PDXDC1: variants seen among roughly 807,000 people sequenced by gnomAD.
PDXDC1 encodes pyridoxal-dependent decarboxylase domain-containing protein 1.
Under a neutral mutation model 100.1 loss-of-function variants are expected in PDXDC1, and 42 were observed. The ratio of observed to expected loss-of-function variants is 0.42; its 90% CI spans 0.33 to 0.54. PDXDC1 has a LOEUF of 0.54. Among genes scored for constraint, PDXDC1 ranks in the 20% least tolerant of loss-of-function variants. PDXDC1 has a pLI of 0.10. For synonymous variants in PDXDC1, 260 were observed against 371.7 expected (o/e 0.70, Z 3.46); for missense variants, 636 against 979.2 (o/e 0.65, Z 4.68).
intron 16 of PDXDC1, chr16:15,127,652 C>T (rs1176458578): frequency 7.9e-7 from 1 of 1,267,730 alleles, no homozygotes. Context: ...AAGGGCTGGG[C>T]AGGAAGAGGC....
chr16:15,089,368 G>A (rs2046028980), intron 16 of PDXDC1, among the ~76,000 whole-genome samples: 1 of 152,046 alleles, frequency 6.6e-6, no homozygotes, highest in Non-Finnish European at 1.5e-5. Context: ...AATATATTAG[G>A]ACACAGGTAG....
chr16:15,077,825 G>T (rs1179020451), intron 16 of PDXDC1, among the ~76,000 whole-genome samples: 2 of 152,186 alleles, frequency 1.3e-5, no homozygotes, highest in Non-Finnish European at 2.9e-5. Context: ...TGGGCAAGAA[G>T]CGAGACACCA....
intron 16 of PDXDC1, among the ~76,000 whole-genome samples, chr16:15,051,268 GCTC>G (rs1381731530): frequency 6.6e-6 from 1 of 152,232 alleles, no homozygotes; most frequent in East Asian, 1.9e-4. Flanking sequence ...CTTCAACACA[GCTC>G]CTACGATTTC....
chr16:15,147,692 T>C, the PDXDC1 span, among the ~76,000 whole-genome samples: 2 of 152,028 alleles, frequency 1.3e-5, no homozygotes, highest in African/African-American at 2.4e-5. Flanking sequence ...ATGCTCAGCA[T>C]TTTTTTGTTT....
chr16:15,142,434 C>T (rs2048489605), downstream of PDXDC1, among the ~76,000 whole-genome samples: 1 of 152,090 alleles, frequency 6.6e-6, no homozygotes, highest in Non-Finnish European at 1.5e-5. Context: ...GGGGACCCCG[C>T]TCGGCCGAGC....
intron 16 of PDXDC1, chr16:15,065,076 G>C (rs2044904167): frequency 1.3e-6 from 1 of 748,300 alleles, no homozygotes; most frequent in Non-Finnish European, 2.2e-6. Context: ...TGAGTCAGGA[G>C]AATGGTGTGA....
At chr16:15,148,376 T>A in the PDXDC1 span, among the ~76,000 whole-genome samples, 1 of 106,718 alleles carries the variant, frequency 9.4e-6, no homozygotes, top group African/African-American at 3.8e-5. Flanking sequence ...TGTGATTTTT[T>A]TTTTTTTTTT....
chr16:15,025,047 CTCT>C (rs1184167205), intron 13 of PDXDC1, among the ~76,000 whole-genome samples: 5 of 152,304 alleles, frequency 3.3e-5, no homozygotes, highest in Admixed American at 1.3e-4. Context: ...TTTCTGTTTC[CTCT>C]TCTTTGTGGA....
At chr16:15,095,861 GGTGT>G (rs113527217) in intron 16 of PDXDC1, among the ~76,000 whole-genome samples, 11,509 of 134,296 alleles carry the variant, frequency 0.086, 722 homozygotes, top group African/African-American at 0.17. Context: ...AAAAAAAAAA[GGTGT>G]GTGTGTGTGT....
chr16:15,047,193 C>T (rs539033430), intron 16 of PDXDC1: 99 of 519,004 alleles, frequency 1.9e-4, no homozygotes, highest in African/African-American at 1.1e-3. Flanking sequence ...GTTCCTGAGA[C>T]GACATCAAGT....
At chr16:15,056,308 A>G (rs1429601421) in intron 16 of PDXDC1, among the ~76,000 whole-genome samples, 1 of 152,336 alleles carries the variant, frequency 6.6e-6, no homozygotes, top group East Asian at 1.9e-4. Context: ...GAGAGCTGCC[A>G]GGGAGCAGCT....
At chr16:15,034,642 C>G (rs982145955) in intron 21 of PDXDC1, 89 bp downstream of exon 21, 3 of 939,160 alleles carry the variant, frequency 3.2e-6, no homozygotes, top group Non-Finnish European at 5.2e-6. Context: ...CACTGAGAAT[C>G]CCGCCCTGGT....
At chr16:15,013,587 C>T (rs1401036362) in intron 8 of PDXDC1, among the ~76,000 whole-genome samples, 1 of 152,258 alleles carries the variant, frequency 6.6e-6, no homozygotes, top group East Asian at 1.9e-4. Context: ...GTAAATCATA[C>T]TACAATAGGC....
At chr16:15,057,267 ATAACTC>A (rs933845167) in intron 16 of PDXDC1, among the ~76,000 whole-genome samples, 79 of 152,242 alleles carry the variant, frequency 5.2e-4, no homozygotes, top group African/African-American at 1.7e-3. Context: ...CTCACCCAAA[ATAACTC>A]TATTTCTAGC....
intron 16 of PDXDC1, among the ~76,000 whole-genome samples, chr16:15,124,322 T>G (rs1404822797): frequency 6.6e-6 from 1 of 152,170 alleles, no homozygotes; most frequent in Admixed American, 6.6e-5. Context: ...CCAAACTCTC[T>G]CAGGCCTCTG....
intron 16 of PDXDC1, among the ~76,000 whole-genome samples, chr16:15,074,511 C>T (rs1597921178): frequency 6.6e-6 from 1 of 152,190 alleles, no homozygotes; most frequent in East Asian, 1.9e-4. Flanking sequence ...AGTGAAAAGA[C>T]AGAAGACAAA....
downstream of PDXDC1, among the ~76,000 whole-genome samples, chr16:15,143,798 A>G (rs1392681751): frequency 6.6e-6 from 1 of 152,184 alleles, no homozygotes; most frequent in East Asian, 1.9e-4. Context: ...AGAGCCTCAC[A>G]CTCAGAGCTG....
At chr16:15,127,040 G>C (rs1158387843) in intron 16 of PDXDC1, 1 of 346,252 alleles carries the variant, frequency 2.9e-6, no homozygotes, top group Non-Finnish European at 5.7e-6. Flanking sequence ...CGCCCACCTC[G>C]GCCTCCTGAA....
chr16:15,031,949 A>G (rs930062949), intron 17 of PDXDC1, 43 bp downstream of exon 17: 2 of 1,504,050 alleles, frequency 1.3e-6, no homozygotes, highest in Admixed American at 2.0e-5. Context: ...ACTTTTCTGT[A>G]TAAAGAACAT....
Sources: allele counts gnomAD v4.1 joint callset (sites outside exome capture counted in the v4.1 genomes callset), GRCh38; gene constraint gnomAD v4.1.1; transcripts MANE v1.5; gene names NCBI Gene and HGNC (gene_info 2026-07-23, HGNC 2026-07-21).